The following CNTNAP3 variants were observed in gnomAD, a reference collection of about 807,000 sequenced individuals.
The protein encoded by CNTNAP3 is contactin associated protein family member 3.
CNTNAP3 carries 36 observed loss-of-function variants against 92.1 expected under a neutral mutation model. The ratio of observed to expected loss-of-function variants is 0.39; its 90% CI spans 0.30 to 0.52. CNTNAP3 has a LOEUF of 0.52. CNTNAP3 is among the 20% of genes least tolerant of loss of function. The probability of loss-of-function intolerance (pLI) is 0.76; values close to 1 mark genes in which losing one functional copy is unlikely to be tolerated. For missense variants in CNTNAP3, 534 were observed against 1,069.6 expected (o/e 0.50, Z 6.98); for synonymous variants, 232 against 422.3 (o/e 0.55, Z 5.53).
At chr9:39,118,024 T>G in intron 14 of CNTNAP3, 79 bp downstream of exon 14, 1 of 1,588,152 alleles carries the variant, frequency 6.3e-7, no homozygotes, top group African/African-American at 1.3e-5. Flanking sequence ...TTGTACCAGC[T>G]TGTCTGACAT....
At chr9:39,122,182 G>T (rs1305756550) in intron 13 of CNTNAP3, among the ~76,000 whole-genome samples, 1 of 151,624 alleles carries the variant, frequency 6.6e-6, no homozygotes, top group East Asian at 1.9e-4. Flanking sequence ...GTGAAACCCC[G>T]TATCTACTAA....
chr9:39,139,547 G>C (rs1821521013), intron 12 of CNTNAP3, among the ~76,000 whole-genome samples: 1 of 152,126 alleles, frequency 6.6e-6, no homozygotes, highest in South Asian at 2.1e-4. Context: ...GATGCTTGCT[G>C]ACCCATTTGG....
intron 17 of CNTNAP3, 40 bp from the exon 18 acceptor site, chr9:39,100,190 T>C (rs573082626): frequency 6.8e-7 from 1 of 1,472,356 alleles, no homozygotes; most frequent in South Asian, 1.3e-5. Flanking sequence ...TGTTCCTTGG[T>C]ATTTTATTCA....
intron 23 of CNTNAP3, among the ~76,000 whole-genome samples, chr9:39,075,522 T>A (rs1825738048): frequency 6.6e-6 from 1 of 152,284 alleles, no homozygotes; most frequent in African/African-American, 2.4e-5. Context: ...TAAAGGCAAT[T>A]AAGAAGCAGC....
intron 23 of CNTNAP3, among the ~76,000 whole-genome samples, chr9:39,077,874 AC>A (rs1323094447): frequency 1.3e-5 from 2 of 152,042 alleles, no homozygotes; most frequent in African/African-American, 2.4e-5. Context: ...CATGCTGAGA[AC>A]CCCCAGGGAA....
intron 18 of CNTNAP3, among the ~76,000 whole-genome samples, chr9:39,093,579 A>T (rs945586079): frequency 6.6e-6 from 1 of 151,238 alleles, no homozygotes; most frequent in East Asian, 1.9e-4. Context: ...TGTCTCTACA[A>T]ATTTGTCTAT....
chr9:39,117,367 A>G (rs1007412456), intron 14 of CNTNAP3, among the ~76,000 whole-genome samples: 1 of 151,988 alleles, frequency 6.6e-6, no homozygotes, highest in Non-Finnish European at 1.5e-5. Context: ...GCTGACATGA[A>G]CCCAAAGGTT....
intron 13 of CNTNAP3, among the ~76,000 whole-genome samples, chr9:39,121,797 G>A (rs1455757346): frequency 9.2e-5 from 14 of 152,066 alleles, no homozygotes; most frequent in Non-Finnish European, 1.9e-4. Context: ...CCAGTCCTGG[G>A]GTCCTAAGAC....
At chr9:39,093,462 C>T (rs573145912) in intron 18 of CNTNAP3, among the ~76,000 whole-genome samples, 1 of 151,088 alleles carries the variant, frequency 6.6e-6, no homozygotes, top group African/African-American at 2.4e-5. Context: ...ATTATCACCT[C>T]TTTTGATACC....
In CNTNAP3 at chr9:39,106,696, G is replaced by A. The variant is rs373047625; in HGVS notation, c.2365+2464C>T. ...CGTTTGGAGAGAAATGAAGGGCTGAGGTAAATTTCCAGAGAGAAAATAATC... is the reference window on the plus strand; with the variant it reads ...CGTTTGGAGAGAAATGAAGGGCTGAAGTAAATTTCCAGAGAGAAAATAATC... On this transcript the variant is annotated intron_variant, in intron 15 of 23. Coordinates refer to ENST00000297668, the MANE Select transcript of CNTNAP3 (RefSeq NM_033655.5). 2.0e-5 allele frequency: 3 copies of A among 152,284 alleles called. No homozygotes were observed. In the South Asian group the frequency reaches 6.2e-4, roughly 32 times the overall value. The allele number at this position is 152,284 out of a possible 1,614,324, so 9.4% of individuals were successfully genotyped here. A position where few individuals can be genotyped will look rare whatever the true frequency, so the allele number is the denominator to read the frequency against.
intron 14 of CNTNAP3, among the ~76,000 whole-genome samples, chr9:39,113,058 ATTTT>A (rs1393082593): frequency 6.6e-6 from 1 of 151,428 alleles, no homozygotes; most frequent in Non-Finnish European, 1.5e-5. Context: ...TTTTGGGCTA[ATTTT>A]TTTTTGTTAT....
intron 23 of CNTNAP3, among the ~76,000 whole-genome samples, chr9:39,074,808 G>A (rs1195319144): frequency 6.6e-6 from 1 of 151,968 alleles, no homozygotes; most frequent in Admixed American, 6.5e-5. Flanking sequence ...TTGCTCTGTC[G>A]CCCAGTCTGG....
intron 13 of CNTNAP3, among the ~76,000 whole-genome samples, chr9:39,118,562 T>C (rs1247963887): frequency 6.6e-6 from 1 of 152,088 alleles, no homozygotes; most frequent in Non-Finnish European, 1.5e-5. Context: ...AAATTCACCA[T>C]TAAAATAAAT....
chr9:39,147,113 A>T (rs2118124586), intron 10 of CNTNAP3, among the ~76,000 whole-genome samples: 1 of 152,236 alleles, frequency 6.6e-6, no homozygotes, highest in African/African-American at 2.4e-5. Context: ...GCCATGTAAG[A>T]CGTGTCTTGA....
At position 39,065,591 on chromosome 9, in the gene CNTNAP3, AATGT is replaced by A. The variant is rs1187621096; in HGVS notation, c.*8295_*8298del. Among the ~76,000 whole-genome samples, 1 of 152,140 alleles carries A rather than the reference AATGT, an allele frequency of 6.6e-6. No individual in the cohort carries two copies. The highest frequency in any genetic ancestry group is 1.5e-5 in the Non-Finnish European group (1 of 68,014). On this transcript the variant is annotated 3_prime_UTR_variant, in exon 24 of 24. Coordinates refer to ENST00000297668, the MANE Select transcript of CNTNAP3 (RefSeq NM_033655.5). ...TTGTAGCATTTTACATTCCAACAAT[AATGT>A]ATGAGAATTATAATTGCTCCATATT...
chr9:39,095,807 A>G (rs1826311583), intron 18 of CNTNAP3, among the ~76,000 whole-genome samples: 1 of 148,666 alleles, frequency 6.7e-6, no homozygotes, highest in Admixed American at 6.7e-5. Flanking sequence ...AACTTAATAC[A>G]AGTGAGATTT....
At chr9:39,136,758 A>C (rs1821446660) in intron 12 of CNTNAP3, among the ~76,000 whole-genome samples, 1 of 152,020 alleles carries the variant, frequency 6.6e-6, no homozygotes. Flanking sequence ...AAAATTAGCC[A>C]GGCATGGTGT....
intron 16 of CNTNAP3, among the ~76,000 whole-genome samples, chr9:39,103,226 G>A (rs1826508625): frequency 6.6e-6 from 1 of 152,298 alleles, no homozygotes; most frequent in African/African-American, 2.4e-5. Context: ...GTACTCTAGG[G>A]AAGGCATGAC....
At chr9:39,123,388 G>A (rs527416671) in intron 13 of CNTNAP3, among the ~76,000 whole-genome samples, 22 of 152,210 alleles carry the variant, frequency 1.4e-4, no homozygotes, top group African/African-American at 3.9e-4. Flanking sequence ...GAGTCACCGC[G>A]CCCGACCCTG....
Sources: allele counts gnomAD v4.1 joint callset (sites outside exome capture counted in the v4.1 genomes callset), GRCh38; gene constraint gnomAD v4.1.1; transcripts MANE v1.5; gene names NCBI Gene and HGNC (gene_info 2026-07-23, HGNC 2026-07-21).